Variants in SPART observed in about 807,000 individuals in gnomAD.
SPART encodes spartin.
SPART carries 35 observed loss-of-function variants against 58.7 expected under a neutral mutation model. The observed-to-expected ratio is 0.60, with a 90% CI of 0.46 to 0.79. SPART has a LOEUF of 0.79. Ranked by LOEUF, SPART falls within the 30% of genes least tolerant of loss-of-function variation. The probability of loss-of-function intolerance (pLI) is 0.00; values close to 1 mark genes in which losing one functional copy is unlikely to be tolerated. For missense variants in SPART, 730 were observed against 786.1 expected, an observed-to-expected ratio of 0.93 and a Z score of 0.85; for synonymous variants, 284 against 280.7, an observed-to-expected ratio of 1.01 and a Z score of -0.12.
intron 5 of SPART, among the ~76,000 whole-genome samples, chr13:36,320,597 G>A (rs954981474): frequency 3.3e-5 from 5 of 152,124 alleles, no homozygotes; most frequent in African/African-American, 1.2e-4. Flanking sequence ...CTACTCCTCA[G>A]GGATTATTCA....
intron 3 of SPART, among the ~76,000 whole-genome samples, chr13:36,330,608 T>A (rs1412699216): frequency 6.6e-6 from 1 of 152,156 alleles, no homozygotes; most frequent in African/African-American, 2.4e-5. Flanking sequence ...CAACCCCTGA[T>A]GACTGTCAAT....
intron 1 of SPART, among the ~76,000 whole-genome samples, chr13:36,352,415 A>G (rs1885452795): frequency 6.6e-6 from 1 of 152,178 alleles, no homozygotes; most frequent in African/African-American, 2.4e-5. Context: ...TTTCTATTAT[A>G]TGTGTAACAG....
intron 1 of SPART, among the ~76,000 whole-genome samples, chr13:36,357,254 A>G (rs1352362397): frequency 3.3e-5 from 5 of 152,154 alleles, no homozygotes; most frequent in Admixed American, 2.0e-4. Flanking sequence ...AGGCAAGTGC[A>G]TGAGTGAAAC....
intron 1 of SPART, chr13:36,336,348 C>T (rs1884003273): frequency 6.5e-6 from 1 of 153,154 alleles, no homozygotes; most frequent in African/African-American, 2.4e-5. Flanking sequence ...CCAAATCCCA[C>T]TAAGATGACT....
At chr13:36,348,667 G>A (rs144747539), upstream of SPART, among the ~76,000 whole-genome samples, 4 of 152,118 alleles carry the variant, frequency 2.6e-5, no homozygotes, top group African/African-American at 9.7e-5. Flanking sequence ...GTATGCTGAA[G>A]ACCATACAAC....
chr13:36,303,676 C>T lies in SPART; in HGVS notation c.*689G>A, dbSNP rs1880211144. The T allele has an allele frequency of 6.6e-6, 1 of 152,390 alleles. No homozygotes were observed. The highest frequency in any genetic ancestry group is 2.1e-4 in the South Asian group (1 of 4,812). 9.4% of individuals were successfully genotyped at this position (152,390 alleles called of 1,614,324 possible). ...AATTTTAATACAATACAATCATGTT[C>T]CCAAATTTCCTAGGCTCATAACAAT... On this transcript the variant is annotated 3_prime_UTR_variant, in exon 9 of 9. Coordinates refer to ENST00000438666, the MANE Select transcript of SPART (RefSeq NM_015087.5).
chr13:36,349,662 T>G (rs1272276695), upstream of SPART, among the ~76,000 whole-genome samples: 1 of 152,246 alleles, frequency 6.6e-6, no homozygotes, highest in Non-Finnish European at 1.5e-5. Context: ...CTCTTAATAC[T>G]GAATTATGAA....
chr13:36,310,457 A>C (rs1371299007), intron 8 of SPART, among the ~76,000 whole-genome samples: 1 of 152,114 alleles, frequency 6.6e-6, no homozygotes, highest in Non-Finnish European at 1.5e-5. Flanking sequence ...CTTTACTCTC[A>C]CCTTCAATAC....
chr13:36,364,653 A>C (rs907421881), intron 1 of SPART, among the ~76,000 whole-genome samples: 2 of 152,210 alleles, frequency 1.3e-5, no homozygotes, highest in African/African-American at 2.4e-5. Flanking sequence ...GGATTTGTCA[A>C]GGGAAATATT....
At chr13:36,359,222 C>T (rs142403092) in intron 1 of SPART, among the ~76,000 whole-genome samples, 1 of 152,212 alleles carries the variant, frequency 6.6e-6, no homozygotes, top group Non-Finnish European at 1.5e-5. Context: ...ACTCCTCCCC[C>T]ACAAAATTAT....
At chr13:36,353,033 C>T (rs947672852) in intron 1 of SPART, among the ~76,000 whole-genome samples, 10 of 152,096 alleles carry the variant, frequency 6.6e-5, no homozygotes, top group African/African-American at 2.2e-4. Flanking sequence ...AGACTCAGAA[C>T]GAAATTTCCA....
At chr13:36,361,101 A>G (rs1299144759) in intron 1 of SPART, among the ~76,000 whole-genome samples, 1 of 152,192 alleles carries the variant, frequency 6.6e-6, no homozygotes, top group Non-Finnish European at 1.5e-5. Flanking sequence ...ATCAATTTCA[A>G]CATTAATATA....
intron 2 of SPART, 136 bp from the exon 3 acceptor site, chr13:36,331,732 AAACATC>A (rs747143761): frequency 1.2e-5 from 8 of 657,878 alleles, no homozygotes; most frequent in Non-Finnish European, 1.5e-5. Context: ...AGGCTTTAAG[AAACATC>A]AACATCAACA....
In SPART at chr13:36,335,625, G is replaced by C. The variant is rs1204290105; in HGVS notation, c.206C>G (p.Pro69Arg). 11 of 1,613,866 alleles carry C rather than the reference G, an allele frequency of 6.8e-6. No homozygotes were observed. The highest frequency in any genetic ancestry group is 8.5e-6 in the Non-Finnish European group (10 of 1,179,980). ...ISSKESEHTGPGWESARQMQQ... is the reference protein window; with the variant it reads ...ISSKESEHTGRGWESARQMQQ... ...CATCTGTCTAGCAGATTCCCACCCA[G>C]GACCTGTGTGTTCAGACTCTTTTGA... is the stretch of plus-strand genomic sequence containing the variant. Residue 69 changes from proline to arginine, a missense_variant, in exon 2 of 9, where the codon CCT becomes CGT. Coordinates refer to ENST00000438666, the MANE Select transcript of SPART (RefSeq NM_015087.5).
At chr13:36,313,408 T>C (rs2137325197) in intron 6 of SPART, among the ~76,000 whole-genome samples, 1 of 152,326 alleles carries the variant, frequency 6.6e-6, no homozygotes, top group East Asian at 1.9e-4. Context: ...ACTTTGTTTT[T>C]AAAATAAATT....
At chr13:36,358,952 A>C (rs999760278) in intron 1 of SPART, among the ~76,000 whole-genome samples, 6 of 152,176 alleles carry the variant, frequency 3.9e-5, no homozygotes, top group African/African-American at 1.4e-4. Context: ...TGGGGGGCCA[A>C]GTGGAAGGTC....
At chr13:36,332,117 C>T (rs1018251165) in intron 2 of SPART, among the ~76,000 whole-genome samples, 1 of 152,084 alleles carries the variant, frequency 6.6e-6, no homozygotes, top group Non-Finnish European at 1.5e-5. Flanking sequence ...TCGCCCAGAA[C>T]CAACAACTAA....
At chr13:36,331,763 T>C (rs1027227325) in intron 2 of SPART, among the ~76,000 whole-genome samples, 167 bp from the exon 3 acceptor site, 40 of 152,088 alleles carry the variant, frequency 2.6e-4, no homozygotes, top group Non-Finnish European at 1.9e-4. Context: ...CCCAAGAAAA[T>C]TAATCATTTG....
chr13:36,363,906 T>G (rs1439749221), intron 1 of SPART, among the ~76,000 whole-genome samples: 6 of 152,232 alleles, frequency 3.9e-5, no homozygotes, highest in African/African-American at 1.4e-4. Flanking sequence ...TAGTACATTA[T>G]GAAAATCAGG....
Sources: gnomAD v4.1 joint callset for allele counts (sites outside exome capture counted in the v4.1 genomes callset) on GRCh38, gnomAD v4.1.1 for gene constraint, MANE v1.5 for transcripts, NCBI Gene and HGNC (gene_info 2026-07-23, HGNC 2026-07-21) for gene names.